Variants in CNTLN observed in about 807,000 individuals in gnomAD.
The protein encoded by CNTLN is centlein.
Under a neutral mutation model 180.0 loss-of-function variants are expected in CNTLN, and 212 were observed. The observed-to-expected ratio is 1.18, with a 90% CI of 1.05 to 1.32. The LOEUF is 1.32. CNTLN is among the 40% of genes most tolerant of loss of function. The pLI is 0.00. For synonymous variants in CNTLN, 722 were observed against 563.1 expected (o/e 1.28, Z -3.99); for missense variants, 2,095 against 1,610.9 (o/e 1.30, Z -5.14).
chr9:17,422,889 T>A (rs868167355), intron 18 of CNTLN, among the ~76,000 whole-genome samples: 2 of 152,112 alleles, frequency 1.3e-5, no homozygotes, highest in South Asian at 4.1e-4. Context: ...AGGAATTGAG[T>A]GTTATGACCT....
chr9:17,315,745 G>C (rs1276513319), intron 8 of CNTLN, among the ~76,000 whole-genome samples: 6 of 151,848 alleles, frequency 4.0e-5, no homozygotes, highest in Non-Finnish European at 5.9e-5. Flanking sequence ...TGGTTACTCT[G>C]ATGTTTTACC....
chr9:17,203,717 C>T (rs971784955), intron 2 of CNTLN, among the ~76,000 whole-genome samples: 15 of 152,090 alleles, frequency 9.9e-5, no homozygotes, highest in South Asian at 2.1e-4. Context: ...CCACCACGCC[C>T]GGCTAATTTT....
intron 18 of CNTLN, among the ~76,000 whole-genome samples, chr9:17,455,652 A>G (rs940532706): frequency 1.3e-5 from 2 of 152,172 alleles, no homozygotes; most frequent in African/African-American, 4.8e-5. Flanking sequence ...TTTAAAGATG[A>G]GACAGATTTC....
At chr9:17,204,894 G>A (rs1262471820) in intron 2 of CNTLN, among the ~76,000 whole-genome samples, 1 of 152,182 alleles carries the variant, frequency 6.6e-6, no homozygotes, top group African/African-American at 2.4e-5. Context: ...GCCCAGTGAG[G>A]AGAAATCTAG....
chr9:17,187,939 T>A (rs947029068), intron 2 of CNTLN, among the ~76,000 whole-genome samples: 1 of 150,852 alleles, frequency 6.6e-6, no homozygotes, highest in Admixed American at 6.6e-5. Flanking sequence ...TGTGAAAATG[T>A]ATAAGGAATA....
At chr9:17,189,276 G>T (rs1241939591) in intron 2 of CNTLN, among the ~76,000 whole-genome samples, 8 of 150,912 alleles carry the variant, frequency 5.3e-5, no homozygotes, top group South Asian at 2.1e-4. Context: ...TAGAGACGGG[G>T]TTTCACCATG....
intron 3 of CNTLN, among the ~76,000 whole-genome samples, chr9:17,233,467 G>A (rs764772628): frequency 1.6e-4 from 25 of 151,724 alleles, no homozygotes; most frequent in Non-Finnish European, 2.6e-4. Context: ...ATTATAATCC[G>A]TTTAAAAAAA....
At chr9:17,426,512 G>T (rs1300547692) in intron 18 of CNTLN, among the ~76,000 whole-genome samples, 1 of 151,642 alleles carries the variant, frequency 6.6e-6, no homozygotes, top group East Asian at 1.9e-4. Flanking sequence ...CAAAATTTTT[G>T]TCATGTTGTA....
chr9:17,332,416 G>C (rs1351097326), intron 9 of CNTLN, among the ~76,000 whole-genome samples, 189 bp from the exon 10 acceptor site: 3 of 151,660 alleles, frequency 2.0e-5, no homozygotes, highest in Admixed American at 2.0e-4. Context: ...TCATTAACGA[G>C]TCACAGAGAA....
intron 5 of CNTLN, among the ~76,000 whole-genome samples, chr9:17,258,791 A>T (rs367695062): frequency 1.4e-5 from 2 of 145,768 alleles, no homozygotes; most frequent in East Asian, 4.0e-4. Context: ...TTGTTGGTGT[A>T]TAAGAATGCT....
At chr9:17,356,192 C>T (rs1400972099) in intron 12 of CNTLN, among the ~76,000 whole-genome samples, 1 of 151,984 alleles carries the variant, frequency 6.6e-6, no homozygotes, top group Non-Finnish European at 1.5e-5. Flanking sequence ...GTAAGTTTTT[C>T]TTATCAGGAT....
At chr9:17,402,241 A>T (rs746608154) in intron 15 of CNTLN, among the ~76,000 whole-genome samples, 8 of 151,862 alleles carry the variant, frequency 5.3e-5, no homozygotes, top group Non-Finnish European at 1.2e-4. Context: ...TAAACAAAAC[A>T]AATAGGAAGG....
intron 18 of CNTLN, among the ~76,000 whole-genome samples, chr9:17,431,409 C>G (rs1829412500): frequency 6.6e-6 from 1 of 151,628 alleles, no homozygotes; most frequent in Non-Finnish European, 1.5e-5. Context: ...TTTGTTTTTG[C>G]TATTGTTTGA....
the CNTLN span, among the ~76,000 whole-genome samples, chr9:17,514,491 A>C: frequency 6.6e-6 from 1 of 152,232 alleles, no homozygotes; most frequent in African/African-American, 2.4e-5. Flanking sequence ...AAGAAGATGA[A>C]AGGATCCCAT....
chr9:17,476,124 T>A (rs750126276), intron 23 of CNTLN, among the ~76,000 whole-genome samples: 57 of 152,174 alleles, frequency 3.7e-4, no homozygotes, highest in Non-Finnish European at 7.5e-4. Context: ...TTATTCTATC[T>A]GTTATGGTGT....
chr9:17,152,636 G>T (rs1318980673), intron 2 of CNTLN, among the ~76,000 whole-genome samples: 1 of 152,202 alleles, frequency 6.6e-6, no homozygotes, highest in Non-Finnish European at 1.5e-5. Context: ...TGTATATTCT[G>T]TTGATTTGGG....
chr9:17,178,641 C>A (rs1227167075), intron 2 of CNTLN, among the ~76,000 whole-genome samples: 1 of 152,078 alleles, frequency 6.6e-6, no homozygotes, highest in Non-Finnish European at 1.5e-5. Context: ...CTAAGCCCCT[C>A]ACTGCCCGGG....
intron 3 of CNTLN, 99 bp downstream of exon 3, chr9:17,226,386 A>C: frequency 1.7e-6 from 1 of 582,072 alleles, no homozygotes; most frequent in Non-Finnish European, 2.9e-6. Context: ...TTTATTGAGA[A>C]TATCAGGGTC....
At chr9:17,206,136 G>A (rs931110603) in intron 2 of CNTLN, among the ~76,000 whole-genome samples, 1 of 152,238 alleles carries the variant, frequency 6.6e-6, no homozygotes, top group Middle Eastern at 3.4e-3. Flanking sequence ...GGGCTACCTT[G>A]GAGAATCGTC....
Sources: allele counts gnomAD v4.1 joint callset (sites outside exome capture counted in the v4.1 genomes callset), GRCh38; gene constraint gnomAD v4.1.1; transcripts MANE v1.5; gene names NCBI Gene and HGNC (gene_info 2026-07-23, HGNC 2026-07-21).